The following BEND5 variants were observed in gnomAD, a reference collection of about 807,000 sequenced individuals.
BEND5 encodes BEN domain containing 5.
In BEND5, 22 loss-of-function variants were observed where a neutral mutation model predicts 43.9. The observed-to-expected ratio is 0.50, with a 90% confidence interval of 0.36 to 0.72. The LOEUF (loss-of-function observed/expected upper bound fraction) is 0.72, where lower values mean the gene tolerates loss of function less well. Among genes scored for constraint, BEND5 ranks in the 30% least tolerant of loss-of-function variants. The probability of loss-of-function intolerance (pLI) is 0.00; values close to 1 mark genes in which losing one functional copy is unlikely to be tolerated. For synonymous variants in BEND5, 228 were observed against 225.9 expected, an observed-to-expected ratio of 1.01 and a Z score of -0.08; for missense variants, 428 against 550.6, an observed-to-expected ratio of 0.78 and a Z score of 2.23.
chr1:48,741,997 T>C (rs58116809), intron 4 of BEND5, among the ~76,000 whole-genome samples: 9,912 of 152,292 alleles, frequency 0.065, 368 homozygotes, highest in South Asian at 0.17. Flanking sequence ...ATTCCATTAC[T>C]AATAATCTTA....
At chr1:48,765,309 T>C (rs992639480) in intron 1 of BEND5, among the ~76,000 whole-genome samples, 1 of 152,180 alleles carries the variant, frequency 6.6e-6, no homozygotes, top group Admixed American at 6.5e-5. Flanking sequence ...AATGAGTATA[T>C]GAAAGGAGCT....
intron 3 of BEND5, among the ~76,000 whole-genome samples, chr1:48,748,157 A>G (rs887741805): frequency 6.6e-6 from 1 of 152,216 alleles, no homozygotes; most frequent in African/African-American, 2.4e-5. Flanking sequence ...CTTCATAACA[A>G]TGAAGGAGTT....
At chr1:48,759,362 C>A in intron 2 of BEND5, 78 bp from the exon 3 acceptor site, 1 of 1,492,672 alleles carries the variant, frequency 6.7e-7, no homozygotes. Context: ...TTTCCCCAGA[C>A]AATCCTAAAA....
intron 2 of BEND5, 45 bp downstream of exon 2, chr1:48,761,292 G>C (rs1339026713): frequency 1.3e-6 from 2 of 1,515,996 alleles, no homozygotes; most frequent in Non-Finnish European, 8.9e-7. Context: ...CGAGATATCT[G>C]AAAATGCTCC....
At chr1:48,765,243 TAG>T (rs1441299786) in intron 1 of BEND5, among the ~76,000 whole-genome samples, 2 of 152,102 alleles carry the variant, frequency 1.3e-5, no homozygotes, top group Admixed American at 6.6e-5. Flanking sequence ...ATCCATACAA[TAG>T]AGACTCATCA....
chr1:48,742,775 G>C lies in BEND5; in HGVS notation c.746-4C>G. ...TTTTCCAGATCAATGGCGGGACCTA[G>C]GCAGTTAAGAAAAGAAATCTGTCTA... On this transcript the variant is annotated splice_polypyrimidine_tract_variant and splice_region_variant and intron_variant, in intron 3 of 5. Coordinates refer to ENST00000371833, the MANE Select transcript of BEND5 (RefSeq NM_024603.4). 6.4e-7 allele frequency: 1 copy of C among 1,564,290 alleles called. No individual in the cohort carries two copies. The highest frequency in any genetic ancestry group is 8.7e-7 in the Non-Finnish European group (1 of 1,152,192).
At chr1:48,749,474 G>C (rs1651314915) in intron 3 of BEND5, among the ~76,000 whole-genome samples, 1 of 152,146 alleles carries the variant, frequency 6.6e-6, no homozygotes, top group Admixed American at 6.5e-5. Context: ...AAAGTAACTT[G>C]CCAGAAGTCA....
At chr1:48,729,636 C>T (rs1431881852) in intron 5 of BEND5, among the ~76,000 whole-genome samples, 1 of 151,976 alleles carries the variant, frequency 6.6e-6, no homozygotes, top group Admixed American at 6.6e-5. Flanking sequence ...AGGTATGGGG[C>T]AGAATCCACT....
chr1:48,746,909 A>G (rs559973650), intron 3 of BEND5, among the ~76,000 whole-genome samples: 1 of 152,214 alleles, frequency 6.6e-6, no homozygotes, highest in South Asian at 2.1e-4. Flanking sequence ...GCATTACAGG[A>G]TCAGAAAGAA....
At position 48,776,668 on chromosome 1, in the gene BEND5, G is replaced by A. The variant is rs1334554565; in HGVS notation, c.164C>T (p.Pro55Leu). ...CGCGCCCCAGTCGCGGGGGGCGCGC[G>A]GGGGGCTCTCGGGCCCGGCGCCCAA... ...EELGAGPESPPRAPRDWGALL... is the reference protein window; with the variant it reads ...EELGAGPESPLRAPRDWGALL... Residue 55 changes from proline (P) to leucine (L), a missense_variant, in exon 1 of 6, where the codon CCG becomes CTG. Pro to Leu is a moderately conservative substitution (Grantham distance 98). Transcript: ENST00000371833. 2.7e-6 allele frequency: 4 copies of A among 1,498,888 alleles called. No individual in the cohort carries two copies. The highest frequency in any genetic ancestry group is 3.5e-6 in the Non-Finnish European group (4 of 1,126,830). 92.8% of individuals were successfully genotyped at this position (1,498,888 alleles called of 1,614,324 possible). A position where few individuals can be genotyped will look rare whatever the true frequency, so the allele number is the denominator to read the frequency against.
rs1291283171 is a variant in BEND5 at position 48,774,351 on chromosome 1, G to A, written c.226+2255C>T. On this transcript the variant is annotated intron_variant, in intron 1 of 5. Transcript: ENST00000371833. ...GGAAGGGGTTTGAAGATACATAGGA[G>A]TTATTCCAGGGTAATGAATTCCCGA... is the stretch of plus-strand genomic sequence containing the variant. 5.1e-4 allele frequency among the ~76,000 whole-genome samples: 78 copies of A among 152,296 alleles called. 1 individual carries two copies. Among genetic ancestry groups the A allele is most frequent in the Non-Finnish European group, 1.2e-4 (8 of 68,012 alleles).
intron 3 of BEND5, among the ~76,000 whole-genome samples, chr1:48,749,487 T>G (rs11588373): frequency 6.6e-6 from 1 of 152,088 alleles, no homozygotes; most frequent in Non-Finnish European, 1.5e-5. Context: ...AGAAGTCACA[T>G]AGGTGGTGAG....
intron 4 of BEND5, among the ~76,000 whole-genome samples, chr1:48,740,279 TAGC>T (rs1649711720): frequency 1.3e-5 from 2 of 152,208 alleles, no homozygotes; most frequent in South Asian, 4.1e-4. Flanking sequence ...TTCAGGGATG[TAGC>T]AGAACAGACT....
At chr1:48,766,143 G>C (rs1325637487) in intron 1 of BEND5, among the ~76,000 whole-genome samples, 2 of 152,152 alleles carry the variant, frequency 1.3e-5, no homozygotes, top group East Asian at 3.8e-4. Flanking sequence ...CTACATGTCA[G>C]ATACCTCTAT....
At chr1:48,728,507 G>A (rs1204612558) in intron 5 of BEND5, among the ~76,000 whole-genome samples, 1 of 121,286 alleles carries the variant, frequency 8.2e-6, no homozygotes, top group Non-Finnish European at 1.7e-5. Flanking sequence ...TTACTCAAAT[G>A]TTATAGTTTT....
intron 2 of BEND5, chr1:48,760,937 G>A (rs1464545128): frequency 6.4e-6 from 1 of 157,164 alleles, no homozygotes; most frequent in Non-Finnish European, 1.4e-5. Context: ...ACTTCCCAAT[G>A]AGTCCAGCCT....
chr1:48,732,933 C>T lies in BEND5; in HGVS notation c.1108+3306G>A, dbSNP rs6696770. Among the ~76,000 whole-genome samples, 655 of 152,224 alleles carry T rather than the reference C, an allele frequency of 4.3e-3. 4 individuals carry two copies. Among genetic ancestry groups the T allele is most frequent in the African/African-American group, 0.015 (627 of 41,542 alleles). On this transcript the variant is annotated intron_variant, in intron 5 of 5. Coordinates refer to ENST00000371833, the MANE Select transcript of BEND5 (RefSeq NM_024603.4). ...TCCCCAGCGTGCAGAACAGGTTTCT[C>T]AGTGAAGGAGGAATGATCGTGTCAA...
intron 1 of BEND5, among the ~76,000 whole-genome samples, chr1:48,773,715 A>ACT (rs1644945107): frequency 1.3e-5 from 2 of 152,330 alleles, no homozygotes; most frequent in Non-Finnish European, 1.5e-5. Flanking sequence ...GGGGCCTGGC[A>ACT]CTGGAAGACC....
chr1:48,743,012 T>C (rs1650160976), intron 3 of BEND5, among the ~76,000 whole-genome samples: 1 of 152,198 alleles, frequency 6.6e-6, no homozygotes, highest in Non-Finnish European at 1.5e-5. Flanking sequence ...TGAAGAGCAC[T>C]CTTCCAGGGT....
Sources: allele counts gnomAD v4.1 joint callset (sites outside exome capture counted in the v4.1 genomes callset), GRCh38; gene constraint gnomAD v4.1.1; transcripts MANE v1.5; gene names NCBI Gene and HGNC (gene_info 2026-07-23, HGNC 2026-07-21).